MAN2A2: variants seen among roughly 807,000 people sequenced by gnomAD.
MAN2A2 encodes the protein mannosidase alpha class 2A member 2, also known as alpha-mannosidase 2x.
Under a neutral mutation model 126.8 loss-of-function variants are expected in MAN2A2, and 79 were observed. The observed-to-expected ratio is 0.62, with a 90% confidence interval of 0.52 to 0.75. The LOEUF (loss-of-function observed/expected upper bound fraction) is 0.75. Ranked by LOEUF, MAN2A2 falls within the 30% of genes least tolerant of loss-of-function variation. The probability of loss-of-function intolerance (pLI) is 0.00; values close to 1 mark genes in which losing one functional copy is unlikely to be tolerated. For synonymous variants in MAN2A2, 671 were observed against 618.7 expected, an observed-to-expected ratio of 1.08 and a Z score of -1.25; for missense variants, 1,392 against 1,522.4, an observed-to-expected ratio of 0.91 and a Z score of 1.43.
At chr15:90,912,457 T>C (rs2034830768) in intron 15 of MAN2A2, 85 bp from the exon 16 acceptor site, 2 of 1,595,568 alleles carry the variant, frequency 1.3e-6, no homozygotes, top group Admixed American at 1.8e-5. Context: ...GCACGGCTCC[T>C]TGGGGAAGCT....
At chr15:90,911,615 G>C (rs1164191735) in intron 14 of MAN2A2, 65 bp downstream of exon 14, 1 of 1,500,020 alleles carries the variant, frequency 6.7e-7, no homozygotes, top group African/African-American at 1.4e-5. Flanking sequence ...CCCGCCCGGC[G>C]ACGCCAGCCT....
At chr15:90,919,563 T>G (rs1198750574) in intron 22 of MAN2A2, 72 bp from the exon 23 acceptor site, 5 of 1,558,300 alleles carry the variant, frequency 3.2e-6, no homozygotes, top group Non-Finnish European at 3.5e-6. Flanking sequence ...GGTACCAAAT[T>G]GTAGATGAAC....
chr15:90,912,412 A>G (rs529348042), intron 15 of MAN2A2, 130 bp from the exon 16 acceptor site: 2 of 1,576,670 alleles, frequency 1.3e-6, no homozygotes, highest in African/African-American at 1.3e-5. Flanking sequence ...GGCCTGGGCC[A>G]TCTCAGCTCC....
intron 22 of MAN2A2, among the ~76,000 whole-genome samples, chr15:90,919,421 T>G (rs1448280750): frequency 6.6e-6 from 1 of 152,182 alleles, no homozygotes; most frequent in Non-Finnish European, 1.5e-5. Context: ...ATATTGTTAG[T>G]AGAGACGGGG....
chr15:90,912,874 T>C lies in MAN2A2; in HGVS notation c.2470-3T>C, dbSNP rs771824052. 1.9e-6 allele frequency: 3 copies of C among 1,612,386 alleles called. No homozygotes were observed. In the East Asian group the frequency reaches 6.7e-5, roughly 36 times the overall value. ...TTTCAACAGCAATCTGCTCTTTCTC[T>C]AGCCCTACGTCCCCAAGGAGCCCCC... On this transcript the variant is annotated splice_region_variant and splice_polypyrimidine_tract_variant and intron_variant, in intron 16 of 22. Coordinates refer to ENST00000559717, the MANE Select transcript of MAN2A2 (RefSeq NM_006122.4).
At chr15:90,916,751 G>A (rs4932180) in intron 20 of MAN2A2, 43,432 of 972,694 alleles carry the variant, frequency 0.045, 4,106 homozygotes, top group East Asian at 0.38. Context: ...TCAGTCACTC[G>A]TGCATCAGAT....
chr15:90,916,200 A>G lies in MAN2A2; in HGVS notation c.2938A>G (p.Lys980Glu). ...CCTAGGCCAAGGGCTCAAGGACAACAAGAGAACCTGCAACCGTTTCCGCCT... is the reference window on the plus strand; with the variant it reads ...CCTAGGCCAAGGGCTCAAGGACAACGAGAGAACCTGCAACCGTTTCCGCCT... ...RGLGQGLKDN[K>E]RTCNRFRLLL... The change falls in exon 20 of 23, where the codon AAG becomes GAG. Residue 980 changes from lysine to glutamate, a missense_variant. Physicochemically the swap from Lys to Glu is moderately conservative, Grantham distance 56. Coordinates refer to ENST00000559717, the MANE Select transcript of MAN2A2 (RefSeq NM_006122.4). The G allele has an allele frequency of 6.2e-7, 1 of 1,614,176 alleles. No individual in the cohort carries two copies. The highest frequency in any genetic ancestry group is 8.5e-7 in the Non-Finnish European group (1 of 1,180,038).
Position 90,913,268 on chromosome 15 carries a change from C to T in MAN2A2, c.2585-5C>T, listed in dbSNP as rs1016710389. ...TCCATGCCCCCACTTTGTTCCTGTACCCAGGGGTGGAGGGGCTGTCTCTGG... is the reference window on the plus strand; with the variant it reads ...TCCATGCCCCCACTTTGTTCCTGTATCCAGGGGTGGAGGGGCTGTCTCTGG... On this transcript the variant is annotated splice_region_variant and splice_polypyrimidine_tract_variant and intron_variant, in intron 17 of 22. Coordinates refer to ENST00000559717, the MANE Select transcript of MAN2A2 (RefSeq NM_006122.4). 2 of 1,613,628 alleles carry T rather than the reference C, an allele frequency of 1.2e-6. No homozygotes were observed. Among genetic ancestry groups the T allele is most frequent in the Non-Finnish European group, 1.7e-6 (2 of 1,179,780 alleles).
Position 90,920,258 on chromosome 15 carries a change from C to T in MAN2A2, c.*471C>T. 6.3e-6 allele frequency: 1 copy of T among 158,132 alleles called. No individual in the cohort carries two copies. Among genetic ancestry groups the T allele is most frequent in the Non-Finnish European group, 1.4e-5 (1 of 71,702 alleles). 9.8% of individuals were successfully genotyped at this position (158,132 alleles called of 1,614,324 possible). A position where few individuals can be genotyped will look rare whatever the true frequency, so the allele number is the denominator to read the frequency against. On this transcript the variant is annotated 3_prime_UTR_variant, in exon 23 of 23. Coordinates refer to ENST00000559717, the MANE Select transcript of MAN2A2 (RefSeq NM_006122.4). ...CATGTCCTGGTGTGATGAGCAGGAT[C>T]AGAGTGACTCTGGGAGGACAGGGGT... is the stretch of plus-strand genomic sequence containing the variant.
rs943290433 is a variant in MAN2A2 at position 90,921,927 on chromosome 15, A to G, written c.*2140A>G. 6.6e-6 allele frequency: 1 copy of G among 151,776 alleles called. No homozygotes were observed. Among genetic ancestry groups the G allele is most frequent in the African/African-American group, 2.4e-5 (1 of 41,354 alleles). 9.4% of individuals were successfully genotyped at this position (151,776 alleles called of 1,614,324 possible). On this transcript the variant is annotated 3_prime_UTR_variant, in exon 23 of 23. Transcript: ENST00000559717. The stretch of plus-strand genomic sequence containing the variant: ...GGGTGACACAGCCAAAAAAAAAACC[A>G]CTAAGTTAGATCTCTACCTCACAGT...
rs1567121051 is a variant in MAN2A2, at chr15:90,909,320, GC to G, written c.1197-3del. ...GTGGTGGGCCCATGTTTTTTTTCCT[GC>G]CCCAGGGCAGCCCTGCTTCTGGACC... is the stretch of plus-strand genomic sequence containing the variant. On this transcript the variant is annotated splice_polypyrimidine_tract_variant and splice_region_variant and intron_variant, in intron 8 of 22. Transcript: ENST00000559717. 6.3e-7 allele frequency: 1 copy of G among 1,592,954 alleles called. No individual in the cohort carries two copies.
In MAN2A2 at chr15:90,911,430, G is replaced by A. The variant is rs2151309986; in HGVS notation, c.1989G>A (p.Met663Ile). Residue 663 changes from methionine (M) to isoleucine (I), a missense_variant, in exon 14 of 23, where the codon ATG becomes ATA. By Grantham distance (10) the Met-to-Ile change is conservative (BLOSUM62 1). Transcript: ENST00000559717. ...CACTGGAACAGGAGCGATTCAGCAT[G>A]GTGTCCCTGCTGGTCAACTCTCCCC... Reference protein sequence around the residue: ...FNPLEQERFSMVSLLVNSPRV... With the variant: ...FNPLEQERFSIVSLLVNSPRV... The A allele has an allele frequency of 1.9e-6, 3 of 1,614,232 alleles. No individual in the cohort carries two copies. The highest frequency in any genetic ancestry group is 2.5e-6 in the Non-Finnish European group (3 of 1,180,034).
At chr15:90,911,065 G>T in intron 12 of MAN2A2, 104 bp downstream of exon 12, 1 of 1,485,194 alleles carries the variant, frequency 6.7e-7, no homozygotes, top group Middle Eastern at 1.7e-4. Flanking sequence ...TCCCCATCCG[G>T]ATGAGTTCTG....
intron 6 of MAN2A2, 102 bp downstream of exon 6, chr15:90,906,599 A>G: frequency 6.3e-7 from 1 of 1,585,470 alleles, no homozygotes; most frequent in Admixed American, 1.7e-5. Flanking sequence ...CTTTCTAGGC[A>G]GATCCCACCA....
chr15:90,910,610 T>A lies in MAN2A2; in HGVS notation c.1687T>A (p.Leu563Met), dbSNP rs75742684. ...CCTCCTGACGGAAGCTCGGCGCACATTGGGGCTCTTCCAGCATCACGATGC... is the reference window on the plus strand; with the variant it reads ...CCTCCTGACGGAAGCTCGGCGCACAATGGGGCTCTTCCAGCATCACGATGC... The part of the protein sequence containing the change: ...FTLLTEARRT[L>M]GLFQHHDAIT... The change falls in exon 11 of 23, where the codon TTG becomes ATG. Residue 563 changes from leucine to methionine, a missense_variant. Transcript: ENST00000559717. The A allele has an allele frequency of 3.1e-6, 5 of 1,614,004 alleles. No homozygotes were observed. Among genetic ancestry groups the A allele is most frequent in the Admixed American group, 1.7e-5 (1 of 60,010 alleles).
At chr15:90,912,501 G>T in intron 15 of MAN2A2, 41 bp from the exon 16 acceptor site, 8 of 1,607,380 alleles carry the variant, frequency 5.0e-6, no homozygotes, top group Non-Finnish European at 6.8e-6. Flanking sequence ...GGCCTGACAT[G>T]CTGGTGTGGG....
chr15:90,910,992 C>T (rs1252645792), intron 12 of MAN2A2, 31 bp downstream of exon 12: 3 of 1,579,624 alleles, frequency 1.9e-6, no homozygotes, highest in Non-Finnish European at 2.6e-6. Context: ...CATGGGGACC[C>T]TCTGGTGTGT....
intron 8 of MAN2A2, 21 bp downstream of exon 8, chr15:90,907,516 C>A: frequency 6.2e-7 from 1 of 1,601,580 alleles, no homozygotes; most frequent in Non-Finnish European, 8.5e-7. Context: ...CCAGCCCTTT[C>A]ACTTCACAGA....
chr15:90,909,628 G>A, intron 9 of MAN2A2, 124 bp downstream of exon 9: 2 of 915,064 alleles, frequency 2.2e-6, no homozygotes, highest in Non-Finnish European at 3.1e-6. Context: ...TTTTGAGATG[G>A]AGTCTCACTC....
Sources: allele counts gnomAD v4.1 joint callset (sites outside exome capture counted in the v4.1 genomes callset), GRCh38; gene constraint gnomAD v4.1.1; transcripts MANE v1.5; gene names NCBI Gene and HGNC (gene_info 2026-07-23, HGNC 2026-07-21).